The following RAB38 variants were observed in gnomAD, a reference collection of about 807,000 sequenced individuals.
RAB38 encodes the protein RAB38, member RAS oncogene family.
In RAB38, 15 loss-of-function variants were observed where a neutral mutation model predicts 18.4. The ratio of observed to expected loss-of-function variants is 0.82; its 90% CI spans 0.55 to 1.26. RAB38 has a LOEUF of 1.26. Ranked by LOEUF, RAB38 falls within the 50% of genes most tolerant of loss-of-function variation. The pLI is 0.00. For missense variants in RAB38, 294 were observed against 267.4 expected, an observed-to-expected ratio of 1.10 and a Z score of -0.69; for synonymous variants, 101 against 104.4, an observed-to-expected ratio of 0.97 and a Z score of 0.20.
At chr11:87,835,492 G>A in the RAB38 span, among the ~76,000 whole-genome samples, 1 of 152,150 alleles carries the variant, frequency 6.6e-6, no homozygotes, top group East Asian at 1.9e-4. Flanking sequence ...GTGTGTCCTC[G>A]CTTCCCCCCA....
chr11:87,973,736 C>G, the RAB38 span, among the ~76,000 whole-genome samples: 1 of 143,756 alleles, frequency 7.0e-6, no homozygotes, highest in Non-Finnish European at 1.6e-5. Flanking sequence ...AAGAGAGAAG[C>G]TGATGCAGGG....
the RAB38 span, among the ~76,000 whole-genome samples, chr11:87,887,275 T>C: frequency 1.3e-5 from 2 of 151,960 alleles, no homozygotes; most frequent in African/African-American, 2.4e-5. Context: ...CACTGTGCTG[T>C]AGCAAGAAAA....
chr11:88,026,902 T>C, the RAB38 span, among the ~76,000 whole-genome samples: 1 of 152,156 alleles, frequency 6.6e-6, no homozygotes, highest in Non-Finnish European at 1.5e-5. Context: ...ATAACAAAGC[T>C]GGCAAATCTA....
the RAB38 span, among the ~76,000 whole-genome samples, chr11:87,976,669 T>G: frequency 9.9e-6 from 1 of 101,196 alleles, no homozygotes; most frequent in Non-Finnish European, 2.0e-5. Context: ...TATAATTTTA[T>G]ATGATATATA....
the RAB38 span, among the ~76,000 whole-genome samples, chr11:87,955,896 CA>C: frequency 6.9e-6 from 1 of 145,432 alleles, no homozygotes; most frequent in Non-Finnish European, 1.5e-5. Flanking sequence ...CACACACACA[CA>C]CACACACAAG....
the RAB38 span, among the ~76,000 whole-genome samples, chr11:87,881,398 C>T: frequency 1.9e-3 from 290 of 151,922 alleles, no homozygotes; most frequent in African/African-American, 6.6e-3. Context: ...CTTCCTTTGT[C>T]TTCTCTTTTC....
At chr11:88,083,535 G>A in the RAB38 span, among the ~76,000 whole-genome samples, 86 of 151,826 alleles carry the variant, frequency 5.7e-4, no homozygotes, top group African/African-American at 1.9e-3. Context: ...TATTTCTCCC[G>A]ATGATAATAT....
chr11:88,046,050 C>T, the RAB38 span, among the ~76,000 whole-genome samples: 3 of 152,140 alleles, frequency 2.0e-5, no homozygotes, highest in East Asian at 3.9e-4. Flanking sequence ...TTTACATTTT[C>T]CCCTTGTATC....
intron 2 of RAB38, 94 bp from the exon 3 acceptor site, chr11:88,114,234 C>T: frequency 7.4e-7 from 1 of 1,351,212 alleles, no homozygotes; most frequent in South Asian, 1.3e-5. Flanking sequence ...TTAAATATTC[C>T]TTCCTATATG....
At chr11:88,052,785 G>T in the RAB38 span, among the ~76,000 whole-genome samples, 1 of 150,534 alleles carries the variant, frequency 6.6e-6, no homozygotes, top group Non-Finnish European at 1.5e-5. Flanking sequence ...CTTTCAGTTT[G>T]TGGAGTCTCT....
At chr11:88,148,586 G>A (rs1461284183) in intron 2 of RAB38, among the ~76,000 whole-genome samples, 1 of 152,154 alleles carries the variant, frequency 6.6e-6, no homozygotes, top group East Asian at 1.9e-4. Context: ...TTCCTCCTCA[G>A]CCTATTAGAA....
chr11:87,959,833 C>T, the RAB38 span, among the ~76,000 whole-genome samples: 1 of 152,148 alleles, frequency 6.6e-6, no homozygotes, highest in South Asian at 2.1e-4. Context: ...CAGGGTATCA[C>T]GTCAGAAGAA....
At chr11:88,007,898 C>G in the RAB38 span, among the ~76,000 whole-genome samples, 1 of 151,994 alleles carries the variant, frequency 6.6e-6, no homozygotes, top group Admixed American at 6.6e-5. Flanking sequence ...GAATACTACT[C>G]AGCAATACAA....
At chr11:87,961,491 G>A in the RAB38 span, among the ~76,000 whole-genome samples, 9 of 152,108 alleles carry the variant, frequency 5.9e-5, no homozygotes, top group Non-Finnish European at 1.0e-4. Flanking sequence ...GAACAACCCA[G>A]TGTGCTGACA....
the RAB38 span, among the ~76,000 whole-genome samples, chr11:87,922,144 C>T: frequency 6.1e-3 from 929 of 152,068 alleles, 9 homozygotes; most frequent in Non-Finnish European, 8.1e-3. Flanking sequence ...ACACAATAAA[C>T]TCCACTTCCA....
the RAB38 span, among the ~76,000 whole-genome samples, chr11:88,067,147 G>C: frequency 6.6e-6 from 1 of 152,126 alleles, no homozygotes; most frequent in Non-Finnish European, 1.5e-5. Flanking sequence ...GAATATGAGG[G>C]AAAATTCAAA....
the RAB38 span, among the ~76,000 whole-genome samples, chr11:88,032,474 C>T: frequency 5.5e-4 from 83 of 152,228 alleles, no homozygotes; most frequent in African/African-American, 1.9e-3. Context: ...TTTTTGCAAC[C>T]TACTCATCTG....
chr11:87,884,060 C>G, the RAB38 span, among the ~76,000 whole-genome samples: 1 of 151,894 alleles, frequency 6.6e-6, no homozygotes, highest in Non-Finnish European at 1.5e-5. Context: ...AAAAGGAATG[C>G]TTTACTCTCT....
chr11:87,913,111 C>T, the RAB38 span, among the ~76,000 whole-genome samples: 5 of 152,096 alleles, frequency 3.3e-5, no homozygotes, highest in East Asian at 7.8e-4. Flanking sequence ...GGCCAGAATA[C>T]AGTCTAACTT....
Sources: allele counts gnomAD v4.1 joint callset (sites outside exome capture counted in the v4.1 genomes callset), GRCh38; gene constraint gnomAD v4.1.1; transcripts MANE v1.5; gene names NCBI Gene and HGNC (gene_info 2026-07-23, HGNC 2026-07-21).